Variants in DGKD observed in about 807,000 individuals in gnomAD.
DGKD encodes the protein DAG kinase delta.
In DGKD, 68 loss-of-function variants were observed where a neutral mutation model predicts 154.4. That is an observed-to-expected ratio of 0.44 (90% CI 0.36 to 0.54). DGKD has a LOEUF of 0.54. DGKD is among the 20% of genes least tolerant of loss of function. The pLI is 0.00. For synonymous variants in DGKD, 693 were observed against 638.0 expected (o/e 1.09, Z -1.30); for missense variants, 1,343 against 1,593.6 (o/e 0.84, Z 2.68).
chr2:233,394,140 A>C (rs1478863881), intron 3 of DGKD, among the ~76,000 whole-genome samples: 1 of 152,174 alleles, frequency 6.6e-6, no homozygotes, highest in Non-Finnish European at 1.5e-5. Context: ...AACAGTTTTC[A>C]CCTTCTCCAT....
intron 18 of DGKD, among the ~76,000 whole-genome samples, chr2:233,454,195 C>T (rs141193689): frequency 6.6e-6 from 1 of 152,378 alleles, no homozygotes; most frequent in East Asian, 1.9e-4. Flanking sequence ...GCAAATGTTC[C>T]TAAATGATAA....
chr2:233,458,223 AG>A lies in DGKD; in HGVS notation c.2581-57del, dbSNP rs2063519162. 9.0e-7 allele frequency: 1 copy of A among 1,115,188 alleles called. No individual in the cohort carries two copies. The highest frequency in any genetic ancestry group is 2.0e-4 in the Middle Eastern group (1 of 5,050). 69.1% of individuals were successfully genotyped at this position (1,115,188 alleles called of 1,614,324 possible). On this transcript the variant is annotated intron_variant, in intron 21 of 29. Coordinates refer to ENST00000264057, the MANE Select transcript of DGKD (RefSeq NM_152879.3). The surrounding 1 kb of genome is among the most constrained non-coding windows in gnomAD (Gnocchi z 6.6). ...ACCCCCAGAGGGAGGGAGTGAGGGT[AG>A]GGGCGGCCTGTGCTCGGGGATGTGT...
intron 1 of DGKD, among the ~76,000 whole-genome samples, chr2:233,366,476 A>G (rs930045218): frequency 6.6e-6 from 1 of 152,098 alleles, no homozygotes; most frequent in Non-Finnish European, 1.5e-5. Flanking sequence ...GATGAGCTGG[A>G]TAATGGAACT....
intron 1 of DGKD, among the ~76,000 whole-genome samples, chr2:233,364,779 C>T (rs180931239): frequency 6.6e-6 from 1 of 152,248 alleles, no homozygotes; most frequent in East Asian, 1.9e-4. Flanking sequence ...TGTCAGTAAT[C>T]ACATTAAATC....
chr2:233,463,505 C>CTGCACGCATGTCCTCAT (rs1170867829), intron 26 of DGKD, among the ~76,000 whole-genome samples: 1 of 115,270 alleles, frequency 8.7e-6, no homozygotes. Flanking sequence ...CATGTCCTCA[C>CTGCACGCATGTCCTCAT]TGCACGCATG....
rs991586749 is a variant in DGKD at position 233,469,601 on chromosome 2, TC to T, written c.*143del. ...CCCGCCCCCTTCTCATGGTGCTACT[TC>T]CTCTGTCAGCTACAGAAAGCCTCCG... On this transcript the variant is annotated 3_prime_UTR_variant, in exon 30 of 30. Transcript: ENST00000264057. 1 of 688,120 alleles carries T rather than the reference TC, an allele frequency of 1.5e-6. No individual in the cohort carries two copies. Among genetic ancestry groups the T allele is most frequent in the African/African-American group, 1.8e-5 (1 of 55,996 alleles). The allele number at this position is 688,120 out of a possible 1,614,324, so 42.6% of individuals were successfully genotyped here.
At chr2:233,431,893 G>T (rs1017298534) in intron 3 of DGKD, among the ~76,000 whole-genome samples, 2 of 152,226 alleles carry the variant, frequency 1.3e-5, no homozygotes, top group Non-Finnish European at 2.9e-5. Flanking sequence ...TTTCTAGGAC[G>T]TTGGACTGGG....
intron 1 of DGKD, among the ~76,000 whole-genome samples, chr2:233,365,556 C>G (rs1047965044): frequency 9.9e-5 from 15 of 152,170 alleles, no homozygotes; most frequent in African/African-American, 3.6e-4. Flanking sequence ...AAGTACTAAA[C>G]TTGACCTAAT....
At chr2:233,446,900 G>A in intron 12 of DGKD, 104 bp downstream of exon 12, 1 of 1,321,546 alleles carries the variant, frequency 7.6e-7, no homozygotes, top group Non-Finnish European at 1.1e-6. Context: ...CTCCCCTTTG[G>A]TGTTGGGGTG....
At chr2:233,436,284 C>T (rs778522687) in intron 6 of DGKD, 32 bp from the exon 7 acceptor site, 6 of 1,613,122 alleles carry the variant, frequency 3.7e-6, no homozygotes, top group South Asian at 1.1e-5. Context: ...ACCTTGGGAG[C>T]GTCCCTAGTG....
intron 1 of DGKD, among the ~76,000 whole-genome samples, chr2:233,362,248 T>C (rs982182874): frequency 6.6e-6 from 1 of 151,846 alleles, no homozygotes; most frequent in African/African-American, 2.4e-5. Context: ...ACATAAAAAA[T>C]GGAAAAATTT....
intron 3 of DGKD, among the ~76,000 whole-genome samples, chr2:233,397,757 G>A (rs1358294122): frequency 6.6e-6 from 1 of 152,052 alleles, no homozygotes; most frequent in Non-Finnish European, 1.5e-5. Context: ...GGGGAGGGAG[G>A]TTTGTAGGAT....
Position 233,354,975 on chromosome 2 carries a change from G to A in DGKD, c.156+301G>A, listed in dbSNP as rs1273773835. 7.3e-5 allele frequency among the ~76,000 whole-genome samples: 11 copies of A among 150,932 alleles called. No homozygotes were observed. The East Asian group carries it at 2.0e-3, about 27-fold the overall frequency. ...GCGCCGAGTTGGGCCGCGAGGACCC[G>A]GAGGAAACTGAGGCCTAGATGCAGG... On this transcript the variant is annotated intron_variant, in intron 1 of 29. Transcript: ENST00000264057. This position sits in a 1 kb window ranked among gnomAD's most constrained non-coding sequence, Gnocchi z 4.8.
intron 17 of DGKD, 83 bp downstream of exon 17, chr2:233,451,133 C>A: frequency 6.8e-7 from 1 of 1,477,936 alleles, no homozygotes. Flanking sequence ...GGGCTCGCTG[C>A]CCTCGGAGAG....
chr2:233,370,439 A>T (rs543672339), intron 1 of DGKD, among the ~76,000 whole-genome samples: 1 of 151,922 alleles, frequency 6.6e-6, no homozygotes, highest in African/African-American at 2.4e-5. Flanking sequence ...TGGTCTCCCA[A>T]TTCCTGACCT....
chr2:233,442,553 C>G (rs1467773948), intron 10 of DGKD: 1 of 206,288 alleles, frequency 4.8e-6, no homozygotes, highest in Non-Finnish European at 1.0e-5. Flanking sequence ...ATACAATGCA[C>G]AGTGCACTTG....
intron 3 of DGKD, among the ~76,000 whole-genome samples, chr2:233,420,788 C>G (rs373525884): frequency 7.2e-5 from 11 of 152,326 alleles, no homozygotes; most frequent in East Asian, 3.9e-4. Context: ...AGTTGAGGCC[C>G]ACGATGCTGG....
In DGKD at chr2:233,459,022, G is replaced by A. The variant is rs2063542917; in HGVS notation, c.2694+625G>A. 6.6e-6 allele frequency among the ~76,000 whole-genome samples: 1 copy of A among 152,260 alleles called. No homozygotes were observed. The highest frequency in any genetic ancestry group is 1.5e-5 in the Non-Finnish European group (1 of 68,048). ...TCTGCAGCTGTCAAAGCCGCAGTGGGGACGGAGCCCATGGCTCTGATGTGG... is the reference window on the plus strand; with the variant it reads ...TCTGCAGCTGTCAAAGCCGCAGTGGAGACGGAGCCCATGGCTCTGATGTGG... On this transcript the variant is annotated intron_variant, in intron 22 of 29. Coordinates refer to ENST00000264057, the MANE Select transcript of DGKD (RefSeq NM_152879.3). This position sits in a 1 kb window ranked among gnomAD's most constrained non-coding sequence, Gnocchi z 5.7.
chr2:233,412,425 TA>T (rs1254034225), intron 3 of DGKD, among the ~76,000 whole-genome samples: 1 of 152,252 alleles, frequency 6.6e-6, no homozygotes, highest in Non-Finnish European at 1.5e-5. Context: ...TGTTTGCTGC[TA>T]ATATATAAGA....
Sources: allele counts gnomAD v4.1 joint callset (sites outside exome capture counted in the v4.1 genomes callset), GRCh38; gene constraint gnomAD v4.1.1; non-coding constraint Gnocchi (gnomAD v3.1); transcripts MANE v1.5; gene names NCBI Gene and HGNC (gene_info 2026-07-23, HGNC 2026-07-21).